The following PARP11 variants were observed in gnomAD, a reference collection of about 807,000 sequenced individuals.
PARP11 encodes the protein protein mono-ADP-ribosyltransferase PARP11.
A neutral mutation model predicts 42.9 loss-of-function variants in PARP11; 31 were observed. That is an observed-to-expected ratio of 0.72 (90% CI 0.54 to 0.98). PARP11 has a LOEUF of 0.98. Ranked by LOEUF, PARP11 falls within the 50% of genes least tolerant of loss-of-function variation. The probability of loss-of-function intolerance (pLI) is 0.00; values close to 1 mark genes in which losing one functional copy is unlikely to be tolerated. For missense variants in PARP11, 365 were observed against 413.1 expected, an observed-to-expected ratio of 0.88 and a Z score of 1.01; for synonymous variants, 137 against 127.3, an observed-to-expected ratio of 1.08 and a Z score of -0.51.
chr12:3,836,969 T>A (rs1947778834), intron 1 of PARP11, among the ~76,000 whole-genome samples: 2 of 152,206 alleles, frequency 1.3e-5, no homozygotes, highest in South Asian at 4.1e-4. Context: ...ACAGAAGACC[T>A]GTCCCTACCT....
At chr12:3,845,038 A>G (rs532836177) in intron 1 of PARP11, among the ~76,000 whole-genome samples, 10 of 147,048 alleles carry the variant, frequency 6.8e-5, no homozygotes, top group African/African-American at 9.9e-5. Context: ...GTTGGAAATT[A>G]TGAAACTTCA....
chr12:3,844,775 G>A (rs1221432166), intron 1 of PARP11, among the ~76,000 whole-genome samples: 4 of 152,072 alleles, frequency 2.6e-5, no homozygotes, highest in African/African-American at 9.7e-5. Flanking sequence ...AGTGACCTCC[G>A]GAATAAAAGA....
rs1180933626 is a variant in PARP11 at position 3,810,728 on chromosome 12, A to AAG, written c.*1393_*1394dup. 2 of 149,560 alleles carry AAG rather than the reference A, an allele frequency of 1.3e-5. No individual in the cohort carries two copies. Among genetic ancestry groups the AAG allele is most frequent in the Admixed American group, 6.7e-5 (1 of 14,902 alleles). 9.3% of individuals were successfully genotyped at this position (149,560 alleles called of 1,614,324 possible). Reference sequence around the variant, plus strand: ...AGAGAGAGAAGAGAAGAGAAAGAGAAAGAGAAAGAGGAAGAGAAAAAGGAA... The same window carrying AAG: ...AGAGAGAGAAGAGAAGAGAAAGAGAAAGAGAGAAAGAGGAAGAGAAAAAGGAA... On this transcript the variant is annotated 3_prime_UTR_variant, in exon 8 of 8. Coordinates refer to ENST00000228820, the MANE Select transcript of PARP11 (RefSeq NM_020367.6).
chr12:3,822,462 G>T (rs563267737), intron 4 of PARP11, among the ~76,000 whole-genome samples: 3,172 of 143,430 alleles, frequency 0.022, 320 homozygotes, highest in African/African-American at 0.081. Flanking sequence ...AGCCAGGCGT[G>T]GGGGCGGGCG....
At position 3,829,995 on chromosome 12, in the gene PARP11, T is replaced by C. The variant is rs755685808; in HGVS notation, c.42A>G (p.Glu14=). 6 of 1,613,730 alleles carry C rather than the reference T, an allele frequency of 3.7e-6. No individual in the cohort carries two copies. The African/African-American group carries it at 8.0e-5, about 22-fold the overall frequency. ...CATTGTTTGTTGTTTTAGAAAATAA[T>C]TCTTCTGCTTTGTGAAACATCTCCT... ...ANPEMFHKAE[E]LFSKTTNNEV... is the part of the protein sequence containing the mutation. The change falls in exon 2 of 8, where the codon GAA becomes GAG. Residue 14 remains glutamate (E), a synonymous_variant. Coordinates refer to ENST00000228820, the MANE Select transcript of PARP11 (RefSeq NM_020367.6).
chr12:3,858,002 G>A (rs1205943575), intron 1 of PARP11, among the ~76,000 whole-genome samples: 30 of 152,206 alleles, frequency 2.0e-4, no homozygotes, highest in Non-Finnish European at 2.9e-5. Context: ...CACAAATGCA[G>A]TTGCCAACAC....
intron 6 of PARP11, among the ~76,000 whole-genome samples, chr12:3,815,566 T>C (rs1947270029): frequency 6.6e-6 from 1 of 152,222 alleles, no homozygotes; most frequent in Non-Finnish European, 1.5e-5. Context: ...AAGAATCTGC[T>C]GGATACTTTC....
chr12:3,819,496 C>T (rs1947353006), intron 6 of PARP11, among the ~76,000 whole-genome samples: 2 of 152,138 alleles, frequency 1.3e-5, no homozygotes, highest in Non-Finnish European at 2.9e-5. Flanking sequence ...CCCACCCTGC[C>T]ATATTAACAA....
chr12:3,847,911 TAAAG>T (rs1050877239), intron 1 of PARP11, among the ~76,000 whole-genome samples: 3 of 152,126 alleles, frequency 2.0e-5, no homozygotes, highest in South Asian at 4.1e-4. Flanking sequence ...ATCCTATTCT[TAAAG>T]AAACCTAAAA....
intron 1 of PARP11, chr12:3,842,036 C>T: frequency 6.2e-7 from 1 of 1,609,108 alleles, no homozygotes; most frequent in Non-Finnish European, 8.5e-7. Context: ...TCCATCCCTC[C>T]TGTAGCAGAG....
rs189890309 is a variant in PARP11, at chr12:3,809,065, A to T, written c.*3058T>A. 2 of 152,350 alleles carry T rather than the reference A, an allele frequency of 1.3e-5. No homozygotes were observed. Among genetic ancestry groups the T allele is most frequent in the East Asian group, 3.9e-4 (2 of 5,188 alleles). The allele number at this position is 152,350 out of a possible 1,614,324, so 9.4% of individuals were successfully genotyped here. A position where few individuals can be genotyped will look rare whatever the true frequency, so the allele number is the denominator to read the frequency against. The stretch of plus-strand genomic sequence containing the variant: ...CTGATATCACCAAGGTGAAAAAGAA[A>T]AGTCATTATCAGCTGGAATGTATTC... On this transcript the variant is annotated 3_prime_UTR_variant, in exon 8 of 8. Coordinates refer to ENST00000228820, the MANE Select transcript of PARP11 (RefSeq NM_020367.6).
chr12:3,822,209 G>C, intron 4 of PARP11, 52 bp from the exon 5 acceptor site: 1 of 1,365,692 alleles, frequency 7.3e-7, no homozygotes, highest in South Asian at 1.2e-5. Context: ...TACAATTACT[G>C]TCAAGAACTT....
In PARP11 at chr12:3,861,969, A is replaced by G. The variant is rs960170255; in HGVS notation, c.18+11243T>C. Among the ~76,000 whole-genome samples the G allele has an allele frequency of 3.3e-5, 5 of 152,104 alleles. No individual in the cohort carries two copies. Among genetic ancestry groups the G allele is most frequent in the African/African-American group, 1.2e-4 (5 of 41,420 alleles). ...GAACCCAGGAGGCAGAGCTTGCAGT[A>G]GGATGAGATAGCACCACTGCACTCC... On this transcript the variant is annotated intron_variant, in intron 1 of 7. Transcript: ENST00000228820. This position sits in a 1 kb window ranked among gnomAD's most constrained non-coding sequence, Gnocchi z 4.6.
Position 3,848,162 on chromosome 12 carries a change from CAT to C in PARP11, c.19-18146_19-18145del, listed in dbSNP as rs537055512. Among the ~76,000 whole-genome samples the C allele has an allele frequency of 2.0e-5, 3 of 152,082 alleles. No individual in the cohort carries two copies. The South Asian group carries it at 6.2e-4, about 32-fold the overall frequency. On this transcript the variant is annotated intron_variant, in intron 1 of 7. Coordinates refer to ENST00000228820, the MANE Select transcript of PARP11 (RefSeq NM_020367.6). The stretch of plus-strand genomic sequence containing the variant: ...AAATGCTTATGAAAGAAATTAAAGA[CAT>C]AAAAATGGAAAGATATTCCATGCTC...
intron 1 of PARP11, chr12:3,872,717 C>G: frequency 1.7e-5 from 17 of 985,306 alleles, no homozygotes; most frequent in Non-Finnish European, 2.0e-5. Context: ...ACTGGTGGGA[C>G]TGGCAGGTAA....
intron 1 of PARP11, among the ~76,000 whole-genome samples, chr12:3,869,157 C>A (rs1256946630): frequency 2.0e-5 from 3 of 152,278 alleles, no homozygotes; most frequent in African/African-American, 7.2e-5. Flanking sequence ...TACTTTGGGG[C>A]CCCCCTGGAT....
At chr12:3,866,686 T>G (rs1197465836) in intron 1 of PARP11, among the ~76,000 whole-genome samples, 1 of 152,192 alleles carries the variant, frequency 6.6e-6, no homozygotes, top group Non-Finnish European at 1.5e-5. Context: ...CAAAGTCCAT[T>G]TGCTTTGTTA....
At chr12:3,859,032 G>A (rs1254913439) in intron 1 of PARP11, among the ~76,000 whole-genome samples, 2 of 151,248 alleles carry the variant, frequency 1.3e-5, no homozygotes, top group South Asian at 2.1e-4. Flanking sequence ...AGGAGGTGGG[G>A]GGTCACAGTG....
At chr12:3,869,623 G>A (rs750532522) in intron 1 of PARP11, among the ~76,000 whole-genome samples, 4 of 152,108 alleles carry the variant, frequency 2.6e-5, no homozygotes, top group Admixed American at 6.5e-5. Flanking sequence ...CCTGGCTAAC[G>A]CTTGCTCAAT....
Sources: gnomAD v4.1 joint callset for allele counts (sites outside exome capture counted in the v4.1 genomes callset) on GRCh38, gnomAD v4.1.1 for gene constraint, Gnocchi (gnomAD v3.1) non-coding constraint, MANE v1.5 for transcripts, NCBI Gene and HGNC (gene_info 2026-07-23, HGNC 2026-07-21) for gene names.